PCYT1A: variants seen among roughly 807,000 people sequenced by gnomAD.
The protein encoded by PCYT1A is phosphate cytidylyltransferase 1A, choline.
Under a neutral mutation model 43.7 loss-of-function variants are expected in PCYT1A, and 25 were observed. The observed-to-expected ratio is 0.57, with a 90% CI of 0.42 to 0.80. The LOEUF (loss-of-function observed/expected upper bound fraction) is 0.80. PCYT1A is among the 30% of genes least tolerant of loss of function. The pLI is 0.00. For missense variants in PCYT1A, 421 were observed against 474.2 expected (o/e 0.89, Z 1.04); for synonymous variants, 172 against 170.7 (o/e 1.01, Z -0.06).
rs779589032 is a variant in PCYT1A at position 196,238,808 on chromosome 3, G to GGGGGAA, written c.983_984insTTCCCC (p.Pro332_Ser333dup). On this transcript the variant is annotated inframe_insertion, in exon 9 of 9. Transcript: ENST00000431016. ...GCCATCGGAAAGAGGGGGAGGGGGAGCGCTCGCGAGTAGGGCTGCTGCTGG... is the reference window on the plus strand; with the variant it reads ...GCCATCGGAAAGAGGGGGAGGGGGAGGGGGAACGCTCGCGAGTAGGGCTGCTGCTGG... The GGGGGAA allele has an allele frequency of 1.3e-6, 2 of 1,576,002 alleles. No individual in the cohort carries two copies. The highest frequency in any genetic ancestry group is 1.7e-6 in the Non-Finnish European group (2 of 1,161,654).
At position 196,239,733 on chromosome 3, in the gene PCYT1A, C is replaced by T. The variant is rs756685712; in HGVS notation, c.711G>A (p.Glu237=). Residue 237 remains glutamate (E), a splice_region_variant and synonymous_variant, in exon 8 of 9, where the codon GAG becomes GAA. Transcript: ENST00000431016. ...CCCTCTCCTGCAAGTGGTATTTCTTCTCCTAGATAAAGAAATAACTCTTCT... is the reference window on the plus strand; with the variant it reads ...CCCTCTCCTGCAAGTGGTATTTCTTTTCCTAGATAAAGAAATAACTCTTCT... The part of the protein sequence containing the change: ...AKELNVSFIN[E]KKYHLQERVD... The T allele has an allele frequency of 2.5e-6, 4 of 1,589,274 alleles. No individual in the cohort carries two copies. The highest frequency in any genetic ancestry group is 2.2e-5 in the East Asian group (1 of 44,756).
intron 3 of PCYT1A, among the ~76,000 whole-genome samples, chr3:196,256,544 T>C (rs953796829): frequency 3.9e-5 from 6 of 152,124 alleles, no homozygotes; most frequent in Non-Finnish European, 7.4e-5. Flanking sequence ...ATTTGTTTTT[T>C]GTTTGTTTGT....
chr3:196,282,276 A>T lies in PCYT1A; in HGVS notation c.-11+5339T>A, dbSNP rs1039434732. ...TAGTAGAATATTTCAGGAAAGAAAA[A>T]ACCATGAGGGACACATGTAATAGTT... is the stretch of plus-strand genomic sequence containing the variant. On this transcript the variant is annotated intron_variant, in intron 1 of 8. Transcript: ENST00000431016. This position sits in a 1 kb window ranked among gnomAD's most constrained non-coding sequence, Gnocchi z 4.3. Among the ~76,000 whole-genome samples, 2 of 152,208 alleles carry T rather than the reference A, an allele frequency of 1.3e-5. No homozygotes were observed. Among genetic ancestry groups the T allele is most frequent in the Non-Finnish European group, 2.9e-5 (2 of 68,038 alleles).
chr3:196,238,983 G>C (rs927003408), intron 8 of PCYT1A, 89 bp from the exon 9 acceptor site: 4 of 727,864 alleles, frequency 5.5e-6, no homozygotes, highest in Non-Finnish European at 8.0e-6. Flanking sequence ...AGTCTATGCT[G>C]TACTATTTAT....
Position 196,237,389 on chromosome 3 carries a change from A to C in PCYT1A, c.*1299T>G, listed in dbSNP as rs1169051177. On this transcript the variant is annotated 3_prime_UTR_variant, in exon 9 of 9. Transcript: ENST00000431016. ...GTGTTGAATCCCCCCGGGCAAGCCA[A>C]CAAGGCAGATGGAACCACAACCACC... 1 of 152,306 alleles carries C rather than the reference A, an allele frequency of 6.6e-6. No individual in the cohort carries two copies. Among genetic ancestry groups the C allele is most frequent in the Non-Finnish European group, 1.5e-5 (1 of 68,098 alleles). The allele number at this position is 152,306 out of a possible 1,614,324, so 9.4% of individuals were successfully genotyped here.
At chr3:196,258,916 T>C (rs1725027844) in intron 2 of PCYT1A, among the ~76,000 whole-genome samples, 1 of 152,202 alleles carries the variant, frequency 6.6e-6, no homozygotes, top group Non-Finnish European at 1.5e-5. Context: ...CTATAGTTTG[T>C]TTCTTGTGAT....
intron 1 of PCYT1A, among the ~76,000 whole-genome samples, chr3:196,278,675 T>G (rs948677703): frequency 6.6e-6 from 1 of 152,098 alleles, no homozygotes; most frequent in Admixed American, 6.6e-5. Flanking sequence ...CCAGAACACT[T>G]TCTTTGTCAA....
chr3:196,244,948 C>T (rs1488170863), intron 5 of PCYT1A, among the ~76,000 whole-genome samples: 1 of 152,156 alleles, frequency 6.6e-6, no homozygotes, highest in Non-Finnish European at 1.5e-5. Context: ...GGGACACAAA[C>T]ACTGCAGAAG....
intron 1 of PCYT1A, among the ~76,000 whole-genome samples, chr3:196,284,577 A>C (rs765261296): frequency 2.0e-5 from 3 of 152,204 alleles, no homozygotes; most frequent in Non-Finnish European, 2.9e-5. Flanking sequence ...GGGACTGCTA[A>C]GTCCAGGCTC....
chr3:196,285,460 AAAAT>A (rs140101571), intron 1 of PCYT1A, among the ~76,000 whole-genome samples: 2 of 151,306 alleles, frequency 1.3e-5, no homozygotes, highest in East Asian at 2.0e-4. Context: ...CTCTGTCTCA[AAAAT>A]AAATAAATAA....
intron 2 of PCYT1A, among the ~76,000 whole-genome samples, chr3:196,269,144 A>T (rs1725362270): frequency 6.6e-6 from 1 of 152,236 alleles, no homozygotes; most frequent in Non-Finnish European, 1.5e-5. Flanking sequence ...CCAGAACTGT[A>T]AGATAATTCA....
Position 196,238,898 on chromosome 3 carries a change from CA to C in PCYT1A, c.898-5del. ...TCCCCTCTTTCAGCATATGTTTCTG[CA>C]GAAACCGAAAGGAAGAGTCAGAAAA... On this transcript the variant is annotated splice_polypyrimidine_tract_variant and splice_region_variant and intron_variant, in intron 8 of 8. Coordinates refer to ENST00000431016, the MANE Select transcript of PCYT1A (RefSeq NM_001312673.2). 1 of 1,410,670 alleles carries C rather than the reference CA, an allele frequency of 7.1e-7. No homozygotes were observed. 87.4% of individuals were successfully genotyped at this position (1,410,670 alleles called of 1,614,324 possible).
intron 3 of PCYT1A, among the ~76,000 whole-genome samples, chr3:196,250,052 A>G (rs1196622477): frequency 1.9e-4 from 26 of 137,288 alleles, no homozygotes; most frequent in South Asian, 4.9e-4. Flanking sequence ...TGAGGACCAG[A>G]TACACCATGC....
intron 2 of PCYT1A, among the ~76,000 whole-genome samples, chr3:196,267,839 G>GT (rs1245142803): frequency 1.3e-5 from 2 of 152,154 alleles, no homozygotes; most frequent in African/African-American, 2.4e-5. Context: ...CAATAAAGCT[G>GT]TTAAAAAAAG....
intron 5 of PCYT1A, among the ~76,000 whole-genome samples, chr3:196,243,997 C>T (rs1398844189): frequency 3.9e-5 from 6 of 151,938 alleles, no homozygotes; most frequent in South Asian, 2.1e-4. Flanking sequence ...GGCCGCCCAT[C>T]GTCTGGGATG....
At chr3:196,286,084 A>T (rs1725905664) in intron 1 of PCYT1A, among the ~76,000 whole-genome samples, 1 of 131,816 alleles carries the variant, frequency 7.6e-6, no homozygotes, top group African/African-American at 2.9e-5. Flanking sequence ...TTTTTTTGAG[A>T]CAGAGTCTCC....
chr3:196,276,759 G>A (rs762736642), intron 1 of PCYT1A, among the ~76,000 whole-genome samples: 3 of 152,118 alleles, frequency 2.0e-5, no homozygotes, highest in Non-Finnish European at 4.4e-5. Context: ...AGTTTGCTGA[G>A]GAATAGGATA....
intron 5 of PCYT1A, among the ~76,000 whole-genome samples, chr3:196,245,807 C>T (rs1416790618): frequency 1.3e-5 from 2 of 152,122 alleles, no homozygotes; most frequent in South Asian, 2.1e-4. Flanking sequence ...AGAAATTAGC[C>T]GGGCATGGTG....
chr3:196,241,539 C>A, intron 7 of PCYT1A: 3 of 1,292,606 alleles, frequency 2.3e-6, no homozygotes, highest in Non-Finnish European at 3.0e-6. Flanking sequence ...TTCGTCAATC[C>A]AAATTTAAAA....
Sources: gnomAD v4.1 joint callset for allele counts (sites outside exome capture counted in the v4.1 genomes callset) on GRCh38, gnomAD v4.1.1 for gene constraint, Gnocchi (gnomAD v3.1) non-coding constraint, MANE v1.5 for transcripts, NCBI Gene and HGNC (gene_info 2026-07-23, HGNC 2026-07-21) for gene names.